Variants in IER5 observed in about 807,000 individuals in gnomAD.
IER5 encodes immediate early response gene 5 protein.
In IER5, 3 loss-of-function variants were observed where a neutral mutation model predicts 8.2. The observed-to-expected ratio is 0.36, with a 90% CI of 0.17 to 0.94. IER5 has a LOEUF of 0.94. IER5 is among the 40% of genes least tolerant of loss of function. IER5 has a pLI of 0.43. For missense variants in IER5, 531 were observed against 494.3 expected (o/e 1.07, Z -0.70); for synonymous variants, 286 against 230.1 (o/e 1.24, Z -2.20).
In IER5 at chr1:181,090,015, T is replaced by C. The variant is rs1659433052; in HGVS notation, c.*129T>C. 3.2e-6 allele frequency: 4 copies of C among 1,255,878 alleles called. No individual in the cohort carries two copies. The South Asian group carries it at 5.6e-5, about 18-fold the overall frequency. 77.8% of individuals were successfully genotyped at this position (1,255,878 alleles called of 1,614,324 possible). A position where few individuals can be genotyped will look rare whatever the true frequency, so the allele number is the denominator to read the frequency against. ...GCGCGTTGGGCAGACTGGTTGCCTC[T>C]GGGCATCGCAAACTGCCCCCGGGCG... is the stretch of plus-strand genomic sequence containing the variant. On this transcript the variant is annotated 3_prime_UTR_variant, in exon 1 of 1. Transcript: ENST00000367577.
rs905768294 is a variant in IER5 at position 181,090,956 on chromosome 1, A to G, written c.*1070A>G. 6.6e-6 allele frequency: 1 copy of G among 152,190 alleles called. No homozygotes were observed. The highest frequency in any genetic ancestry group is 2.4e-5 in the African/African-American group (1 of 41,422). The allele number at this position is 152,190 out of a possible 1,614,324, so 9.4% of individuals were successfully genotyped here. On this transcript the variant is annotated 3_prime_UTR_variant, in exon 1 of 1. Transcript: ENST00000367577. ...GGTTCTTAGTATCAGTCATTCGCAG[A>G]CTGAGGACATTGTTTACTGACTCCA...
Position 181,091,286 on chromosome 1 carries a change from C to T in IER5, c.*1400C>T, listed in dbSNP as rs1201158214. ...AAAAAAAGTTTAGATAGTAGTTTACCTTAAAAGCCCATTCGAACTGACATA... is the reference window on the plus strand; with the variant it reads ...AAAAAAAGTTTAGATAGTAGTTTACTTTAAAAGCCCATTCGAACTGACATA... On this transcript the variant is annotated 3_prime_UTR_variant, in exon 1 of 1. Transcript: ENST00000367577. The T allele has an allele frequency of 1.3e-5, 2 of 152,016 alleles. No individual in the cohort carries two copies. The highest frequency in any genetic ancestry group is 1.9e-4 in the East Asian group (1 of 5,202). The allele number at this position is 152,016 out of a possible 1,614,324, so 9.4% of individuals were successfully genotyped here.
In IER5 at chr1:181,090,779, G is replaced by T; in HGVS notation, c.*893G>T. 6.0e-6 allele frequency: 1 copy of T among 165,384 alleles called. No individual in the cohort carries two copies. 10.2% of individuals were successfully genotyped at this position (165,384 alleles called of 1,614,324 possible). On this transcript the variant is annotated 3_prime_UTR_variant, in exon 1 of 1. Coordinates refer to ENST00000367577, the MANE Select transcript of IER5 (RefSeq NM_016545.5). ...ACAGTATTTTCTCCTTCGTTGTATT[G>T]ATTTTTGTATAAAAATGTAACTTCT...
chr1:181,088,887 T>A lies in IER5; in HGVS notation c.-16T>A, dbSNP rs1391370532. The A allele has an allele frequency of 6.3e-7, 1 of 1,583,494 alleles. No homozygotes were observed. The highest frequency in any genetic ancestry group is 8.6e-7 in the Non-Finnish European group (1 of 1,160,800). On this transcript the variant is annotated 5_prime_UTR_variant, in exon 1 of 1. Coordinates refer to ENST00000367577, the MANE Select transcript of IER5 (RefSeq NM_016545.5). The stretch of plus-strand genomic sequence containing the variant: ...CGTGTCACCCCGGCGCCGACGGCCC[T>A]GTGCAGGGGAAGCAGATGGAGTTCA...
chr1:181,089,333 T>C lies in IER5; in HGVS notation c.431T>C (p.Val144Ala), dbSNP rs1347331105. 3 of 1,530,248 alleles carry C rather than the reference T, an allele frequency of 2.0e-6. No individual in the cohort carries two copies. Among genetic ancestry groups the C allele is most frequent in the Non-Finnish European group, 2.6e-6 (3 of 1,140,950 alleles). The allele number at this position is 1,530,248 out of a possible 1,614,324, so 94.8% of individuals were successfully genotyped here. Residue 144 changes from valine to alanine, a missense_variant, in exon 1 of 1, where the codon GTG (valine) becomes GCG (alanine). Physicochemically the swap from Val to Ala is moderately conservative, Grantham distance 64. Coordinates refer to ENST00000367577, the MANE Select transcript of IER5 (RefSeq NM_016545.5). Reference protein sequence around the residue: ...ADATEAAWSRVEGPRQAAARE... With the variant: ...ADATEAAWSRAEGPRQAAARE... ...GCGACGGAAGCTGCCTGGAGCCGCG[T>C]GGAGGGGCCGCGCCAGGCGGCGGCC...
rs1659402146 is a variant in IER5 at position 181,089,165 on chromosome 1, C to T, written c.263C>T (p.Pro88Leu). 6.9e-7 allele frequency: 1 copy of T among 1,451,538 alleles called. No homozygotes were observed. The highest frequency in any genetic ancestry group is 9.1e-7 in the Non-Finnish European group (1 of 1,098,736). 89.9% of individuals were successfully genotyped at this position (1,451,538 alleles called of 1,614,324 possible). ...CCCGCCGGCTGGGGAGAGCCGCCCCCGCCCGCCGCTCGTGCCTCTTGGCCG... is the reference window on the plus strand; with the variant it reads ...CCCGCCGGCTGGGGAGAGCCGCCCCTGCCCGCCGCTCGTGCCTCTTGGCCG... ...GPPAGWGEPP[P>L]PAARASWPET... Residue 88 changes from proline to leucine, a missense_variant, in exon 1 of 1, where the codon CCG becomes CTG. Physicochemically the swap from Pro to Leu is moderately conservative, Grantham distance 98. Coordinates refer to ENST00000367577, the MANE Select transcript of IER5 (RefSeq NM_016545.5).
At position 181,089,181 on chromosome 1, in the gene IER5, C is replaced by T. The variant is rs1659404377; in HGVS notation, c.279C>T (p.Ala93=). 2.7e-6 allele frequency: 4 copies of T among 1,505,332 alleles called. No individual in the cohort carries two copies. In the East Asian group the frequency reaches 8.3e-5, roughly 31 times the overall value. 93.2% of individuals were successfully genotyped at this position (1,505,332 alleles called of 1,614,324 possible). The change falls in exon 1 of 1, where the codon GCC becomes GCT. Residue 93 remains alanine, a synonymous_variant. Transcript: ENST00000367577. Reference sequence around the variant, plus strand: ...AGCCGCCCCCGCCCGCCGCTCGTGCCTCTTGGCCGGAGACCGAGCCGCAGC... The same window carrying T: ...AGCCGCCCCCGCCCGCCGCTCGTGCTTCTTGGCCGGAGACCGAGCCGCAGC... ...WGEPPPPAAR[A]SWPETEPQPE...
chr1:181,089,865 C>G lies in IER5; in HGVS notation c.963C>G (p.Ser321Arg). Residue 321 changes from serine (S) to arginine (R), a missense_variant, in exon 1 of 1, where the codon AGC becomes AGG. Ser to Arg is a moderately radical substitution (Grantham distance 110). Coordinates refer to ENST00000367577, the MANE Select transcript of IER5 (RefSeq NM_016545.5). ...KPVLRDMNPW[S>R]TAIVAF Reference sequence around the variant, plus strand: ...TGCTGAGAGACATGAACCCCTGGAGCACAGCCATCGTGGCCTTCTGAGCCC... The same window carrying G: ...TGCTGAGAGACATGAACCCCTGGAGGACAGCCATCGTGGCCTTCTGAGCCC... 1 of 1,612,742 alleles carries G rather than the reference C, an allele frequency of 6.2e-7. No homozygotes were observed. Among genetic ancestry groups the G allele is most frequent in the Non-Finnish European group, 8.5e-7 (1 of 1,179,774 alleles).
Position 181,089,140 on chromosome 1 carries a change from C to A in IER5, c.238C>A (p.Pro80Thr). ...GCCCGGGGAGCCGGCGGCCGGGCCACCCGCCGGCTGGGGAGAGCCGCCCCC... is the reference window on the plus strand; with the variant it reads ...GCCCGGGGAGCCGGCGGCCGGGCCAACCGCCGGCTGGGGAGAGCCGCCCCC... ...QQPGEPAAGP[P>T]AGWGEPPPPA... The change falls in exon 1 of 1, where the codon CCC (proline) becomes ACC (threonine). Residue 80 changes from proline to threonine, a missense_variant. Pro to Thr is a conservative substitution (Grantham distance 38, BLOSUM62 -1). Coordinates refer to ENST00000367577, the MANE Select transcript of IER5 (RefSeq NM_016545.5). The A allele has an allele frequency of 7.1e-7, 1 of 1,399,944 alleles. No individual in the cohort carries two copies. Among genetic ancestry groups the A allele is most frequent in the Non-Finnish European group, 9.3e-7 (1 of 1,079,214 alleles). The allele number at this position is 1,399,944 out of a possible 1,614,324, so 86.7% of individuals were successfully genotyped here. A position where few individuals can be genotyped will look rare whatever the true frequency, so the allele number is the denominator to read the frequency against.
In IER5 at chr1:181,089,817, G is replaced by A. The variant is rs1249103239; in HGVS notation, c.915G>A (p.Gly305=). Reference sequence around the variant, plus strand: ...GCGGTCCGGAAGCCGCCGAGCCCGGGCAGATCTGCTGCGATAAGCCGGTGC... The same window carrying A: ...GCGGTCCGGAAGCCGCCGAGCCCGGACAGATCTGCTGCGATAAGCCGGTGC... ...EESGPEAAEP[G]QICCDKPVLR... The change falls in exon 1 of 1, where the codon GGG becomes GGA. Residue 305 remains glycine, a synonymous_variant. Coordinates refer to ENST00000367577, the MANE Select transcript of IER5 (RefSeq NM_016545.5). 6.2e-6 allele frequency: 10 copies of A among 1,613,778 alleles called. No individual in the cohort carries two copies. Among genetic ancestry groups the A allele is most frequent in the South Asian group, 1.1e-5 (1 of 91,046 alleles).
chr1:181,089,603 C>T lies in IER5; in HGVS notation c.701C>T (p.Pro234Leu). 1 of 1,603,994 alleles carries T rather than the reference C, an allele frequency of 6.2e-7. No individual in the cohort carries two copies. Among genetic ancestry groups the T allele is most frequent in the African/African-American group, 1.3e-5 (1 of 74,766 alleles). ...VGGGPAGCPAPGSTPLKKPRR... is the reference protein window; with the variant it reads ...VGGGPAGCPALGSTPLKKPRR... ...GGCGGCCCAGCGGGCTGCCCGGCGCCCGGCTCGACCCCGCTCAAGAAGCCC... is the reference window on the plus strand; with the variant it reads ...GGCGGCCCAGCGGGCTGCCCGGCGCTCGGCTCGACCCCGCTCAAGAAGCCC... Residue 234 changes from proline (P) to leucine (L), a missense_variant, in exon 1 of 1, where the codon CCC becomes CTC. Coordinates refer to ENST00000367577, the MANE Select transcript of IER5 (RefSeq NM_016545.5).
At position 181,088,734 on chromosome 1, in the gene IER5, T is replaced by G; in HGVS notation, c.-169T>G. On this transcript the variant is annotated 5_prime_UTR_variant, in exon 1 of 1. Transcript: ENST00000367577. ...CCGGACCCGAAACGGGGAAGTTGTC[T>G]TGTTTGGAGAGGTTAGTAGAGCAGC... 3.2e-6 allele frequency: 2 copies of G among 631,388 alleles called. No homozygotes were observed. Among genetic ancestry groups the G allele is most frequent in the South Asian group, 4.3e-5 (2 of 46,204 alleles). The allele number at this position is 631,388 out of a possible 1,614,324, so 39.1% of individuals were successfully genotyped here.
rs1242405400 is a variant in IER5, at chr1:181,089,305, G to A, written c.403G>A (p.Asp135Asn). 4.5e-6 allele frequency: 7 copies of A among 1,553,610 alleles called. No individual in the cohort carries two copies. Among genetic ancestry groups the A allele is most frequent in the Non-Finnish European group, 6.1e-6 (7 of 1,152,782 alleles). Reference protein sequence around the residue: ...VGDVFQGGEADATEAAWSRVE... With the variant: ...VGDVFQGGEANATEAAWSRVE... Reference sequence around the variant, plus strand: ...GGACGTTTTTCAGGGCGGAGAGGCGGACGCGACGGAAGCTGCCTGGAGCCG... The same window carrying A: ...GGACGTTTTTCAGGGCGGAGAGGCGAACGCGACGGAAGCTGCCTGGAGCCG... The change falls in exon 1 of 1, where the codon GAC becomes AAC. Residue 135 changes from aspartate to asparagine, a missense_variant. Coordinates refer to ENST00000367577, the MANE Select transcript of IER5 (RefSeq NM_016545.5).
At position 181,088,771 on chromosome 1, in the gene IER5, C is replaced by T. The variant is rs945322772; in HGVS notation, c.-132C>T. On this transcript the variant is annotated 5_prime_UTR_variant, in exon 1 of 1. Coordinates refer to ENST00000367577, the MANE Select transcript of IER5 (RefSeq NM_016545.5). ...GTTAGTAGAGCAGCGCGCGCGTCAC[C>T]AGAGTCGTTTCTCTTCGGAGTCTTA... 3 of 674,952 alleles carry T rather than the reference C, an allele frequency of 4.4e-6. No individual in the cohort carries two copies. Among genetic ancestry groups the T allele is most frequent in the Non-Finnish European group, 7.3e-6 (3 of 410,778 alleles). 41.8% of individuals were successfully genotyped at this position (674,952 alleles called of 1,614,324 possible).
chr1:181,088,722 G>A lies in IER5; in HGVS notation c.-181G>A, dbSNP rs1004073474. The A allele has an allele frequency of 1.3e-5, 8 of 599,812 alleles. No individual in the cohort carries two copies. Among genetic ancestry groups the A allele is most frequent in the Admixed American group, 3.5e-5 (1 of 28,336 alleles). The allele number at this position is 599,812 out of a possible 1,614,324, so 37.2% of individuals were successfully genotyped here. A position where few individuals can be genotyped will look rare whatever the true frequency, so the allele number is the denominator to read the frequency against. ...CCTGTTTAGCGACCGGACCCGAAAC[G>A]GGGAAGTTGTCTTGTTTGGAGAGGT... On this transcript the variant is annotated 5_prime_UTR_variant, in exon 1 of 1. Coordinates refer to ENST00000367577, the MANE Select transcript of IER5 (RefSeq NM_016545.5).
Position 181,089,189 on chromosome 1 carries a change from C to T in IER5, c.287C>T (p.Pro96Leu). The T allele has an allele frequency of 2.0e-6, 3 of 1,522,440 alleles. No homozygotes were observed. Among genetic ancestry groups the T allele is most frequent in the Non-Finnish European group, 2.6e-6 (3 of 1,137,178 alleles). The allele number at this position is 1,522,440 out of a possible 1,614,324, so 94.3% of individuals were successfully genotyped here. Residue 96 changes from proline (P) to leucine (L), a missense_variant, in exon 1 of 1, where the codon CCG (proline) becomes CTG (leucine). Coordinates refer to ENST00000367577, the MANE Select transcript of IER5 (RefSeq NM_016545.5). ...PPPPAARASWPETEPQPERSS... is the reference protein window; with the variant it reads ...PPPPAARASWLETEPQPERSS... ...CCGCCCGCCGCTCGTGCCTCTTGGC[C>T]GGAGACCGAGCCGCAGCCGGAGCGC... is the stretch of plus-strand genomic sequence containing the variant.
chr1:181,089,528 C>G lies in IER5; in HGVS notation c.626C>G (p.Pro209Arg). ...CAPQPAEDEP[P>R]APPAVCPRKR... ...CCGCAACCAGCGGAGGACGAGCCCC[C>G]CGCGCCGCCCGCGGTGTGCCCCAGG... Residue 209 changes from proline to arginine, a missense_variant, in exon 1 of 1, where the codon CCC becomes CGC. Coordinates refer to ENST00000367577, the MANE Select transcript of IER5 (RefSeq NM_016545.5). 2 of 1,279,128 alleles carry G rather than the reference C, an allele frequency of 1.6e-6. No homozygotes were observed. The highest frequency in any genetic ancestry group is 2.0e-6 in the Non-Finnish European group (2 of 1,012,560). 79.2% of individuals were successfully genotyped at this position (1,279,128 alleles called of 1,614,324 possible).
Position 181,091,910 on chromosome 1 carries a change from G to T in IER5, c.*2024G>T, listed in dbSNP as rs911298098. 2 of 152,172 alleles carry T rather than the reference G, an allele frequency of 1.3e-5. No individual in the cohort carries two copies. The highest frequency in any genetic ancestry group is 2.9e-5 in the Non-Finnish European group (2 of 68,034). 9.4% of individuals were successfully genotyped at this position (152,172 alleles called of 1,614,324 possible). A position where few individuals can be genotyped will look rare whatever the true frequency, so the allele number is the denominator to read the frequency against. ...TTAGCTGAATAGGCCAGTGCCTCGT[G>T]CCTTGATATTTCGGCAAATCTATTA... On this transcript the variant is annotated 3_prime_UTR_variant, in exon 1 of 1. Coordinates refer to ENST00000367577, the MANE Select transcript of IER5 (RefSeq NM_016545.5).
chr1:181,089,821 A>C lies in IER5; in HGVS notation c.919A>C (p.Ile307Leu). 1 of 1,613,808 alleles carries C rather than the reference A, an allele frequency of 6.2e-7. No individual in the cohort carries two copies. Among genetic ancestry groups the C allele is most frequent in the East Asian group, 2.2e-5 (1 of 44,866 alleles). Residue 307 changes from isoleucine (I) to leucine (L), a missense_variant, in exon 1 of 1, where the codon ATC becomes CTC. By Grantham distance (5) the Ile-to-Leu change is conservative. Transcript: ENST00000367577. ...SGPEAAEPGQ[I>L]CCDKPVLRDM... ...TCCGGAAGCCGCCGAGCCCGGGCAGATCTGCTGCGATAAGCCGGTGCTGAG... is the reference window on the plus strand; with the variant it reads ...TCCGGAAGCCGCCGAGCCCGGGCAGCTCTGCTGCGATAAGCCGGTGCTGAG...
Sources: allele counts gnomAD v4.1 joint callset, GRCh38; gene constraint gnomAD v4.1.1; transcripts MANE v1.5; gene names NCBI Gene and HGNC (gene_info 2026-07-23, HGNC 2026-07-21).